Variants in MECOM observed in about 807,000 individuals in gnomAD.
The protein encoded by MECOM is histone-lysine N-methyltransferase MECOM.
Under a neutral mutation model 116.3 loss-of-function variants are expected in MECOM, and 13 were observed. The observed-to-expected ratio is 0.11, with a 90% CI of 0.07 to 0.18. The LOEUF is 0.18. MECOM is among the 10% of genes least tolerant of loss of function. MECOM has a pLI of 1.00. For synonymous variants in MECOM, 528 were observed against 535.2 expected (o/e 0.99, Z 0.19); for missense variants, 1,299 against 1,509.0 (o/e 0.86, Z 2.31).
At chr3:169,594,166 A>C (rs1395835989) in intron 1 of MECOM, among the ~76,000 whole-genome samples, 2 of 136,738 alleles carry the variant, frequency 1.5e-5, no homozygotes, top group Non-Finnish European at 1.5e-5. Context: ...AAAAAAAAAA[A>C]AAAAAAAAAA....
chr3:169,644,453 T>C (rs1336097427), intron 1 of MECOM, among the ~76,000 whole-genome samples: 1 of 151,964 alleles, frequency 6.6e-6, no homozygotes, highest in Non-Finnish European at 1.5e-5. Flanking sequence ...GACAGAGTTT[T>C]GCCATGTTGG....
intron 2 of MECOM, among the ~76,000 whole-genome samples, chr3:169,148,668 T>A (rs1432414193): frequency 6.6e-6 from 1 of 152,140 alleles, no homozygotes; most frequent in African/African-American, 2.4e-5. Flanking sequence ...GTGCTGACGG[T>A]TAAACTTTAG....
Position 169,161,905 on chromosome 3 carries a change from A to G in MECOM, c.376-18073T>C, listed in dbSNP as rs540364318. Among the ~76,000 whole-genome samples the G allele has an allele frequency of 2.5e-4, 38 of 152,196 alleles. No individual in the cohort carries two copies. In the South Asian group the frequency reaches 6.6e-3, roughly 27 times the overall value. ...GTGAAAGAGTGGCCTTGGAAAACAAATTATCCAGCCTCAGTCCCATTTTTA... is the reference window on the plus strand; with the variant it reads ...GTGAAAGAGTGGCCTTGGAAAACAAGTTATCCAGCCTCAGTCCCATTTTTA... On this transcript the variant is annotated intron_variant, in intron 2 of 16. Coordinates refer to ENST00000651503, the MANE Select transcript of MECOM (RefSeq NM_004991.4).
intron 2 of MECOM, among the ~76,000 whole-genome samples, chr3:169,267,333 T>C (rs1758434987): frequency 6.6e-6 from 1 of 152,182 alleles, no homozygotes; most frequent in Non-Finnish European, 1.5e-5. Flanking sequence ...AGACCCGGTG[T>C]CTAATTTTTG....
intron 1 of MECOM, among the ~76,000 whole-genome samples, chr3:169,592,106 G>A (rs950077547): frequency 1.3e-5 from 2 of 152,058 alleles, no homozygotes; most frequent in African/African-American, 4.8e-5. Flanking sequence ...AACCAGTCTC[G>A]CTCTTCATCC....
At chr3:169,153,260 T>C (rs1741441882) in intron 2 of MECOM, among the ~76,000 whole-genome samples, 1 of 152,168 alleles carries the variant, frequency 6.6e-6, no homozygotes, top group African/African-American at 2.4e-5. Flanking sequence ...TATTACAAGA[T>C]ATATTCAAGA....
At chr3:169,109,253 T>C (rs1459264839) in intron 9 of MECOM, among the ~76,000 whole-genome samples, 1 of 152,208 alleles carries the variant, frequency 6.6e-6, no homozygotes, top group Non-Finnish European at 1.5e-5. Flanking sequence ...ACAACGCTTA[T>C]TTCTCCCTTA....
At chr3:169,585,012 T>G (rs1306602790) in intron 1 of MECOM, among the ~76,000 whole-genome samples, 1 of 152,246 alleles carries the variant, frequency 6.6e-6, no homozygotes, top group African/African-American at 2.4e-5. Context: ...TTCCACAGAT[T>G]ATCAAGCAAG....
intron 12 of MECOM, among the ~76,000 whole-genome samples, chr3:169,097,646 T>C (rs1169634903): frequency 1.3e-5 from 2 of 151,784 alleles, no homozygotes; most frequent in Non-Finnish European, 2.9e-5. Flanking sequence ...GAGGGGCTGA[T>C]GCATCAAGGA....
intron 1 of MECOM, among the ~76,000 whole-genome samples, chr3:169,584,828 C>T (rs1171706614): frequency 1.3e-5 from 2 of 152,108 alleles, no homozygotes; most frequent in Non-Finnish European, 2.9e-5. Flanking sequence ...GCACTGTATT[C>T]ACATTTTAAA....
At chr3:169,596,615 G>C (rs1279175574) in intron 1 of MECOM, among the ~76,000 whole-genome samples, 1 of 151,906 alleles carries the variant, frequency 6.6e-6, no homozygotes, top group East Asian at 1.9e-4. Flanking sequence ...ACACAGACCA[G>C]AAAATAAATG....
chr3:169,417,574 G>T (rs1738884357), intron 1 of MECOM, among the ~76,000 whole-genome samples: 2 of 151,768 alleles, frequency 1.3e-5, no homozygotes, highest in African/African-American at 4.8e-5. Flanking sequence ...TCTAGAACTA[G>T]AAATACTATT....
intron 1 of MECOM, among the ~76,000 whole-genome samples, chr3:169,663,133 C>A (rs1389722279): frequency 6.6e-6 from 1 of 151,184 alleles, no homozygotes; most frequent in Non-Finnish European, 1.5e-5. Context: ...CAGGCTCCTC[C>A]GGCGCCCAAC....
intron 1 of MECOM, among the ~76,000 whole-genome samples, chr3:169,580,900 G>A (rs777115568): frequency 5.9e-5 from 9 of 152,094 alleles, no homozygotes; most frequent in Non-Finnish European, 8.8e-5. Flanking sequence ...TTTACCCCAC[G>A]TGATACTGGA....
intron 1 of MECOM, among the ~76,000 whole-genome samples, chr3:169,551,373 T>A (rs76089058): frequency 0.15 from 22,193 of 145,710 alleles, 2,014 homozygotes; most frequent in East Asian, 0.36. Flanking sequence ...ATCTACACTT[T>A]AAAAAAAAAA....
chr3:169,368,562 G>T (rs1219375601), intron 2 of MECOM, among the ~76,000 whole-genome samples: 1 of 151,860 alleles, frequency 6.6e-6, no homozygotes, highest in Non-Finnish European at 1.5e-5. Context: ...AAACAACTAG[G>T]GAGCAAAGAA....
intron 1 of MECOM, among the ~76,000 whole-genome samples, chr3:169,391,436 G>T (rs1302524900): frequency 6.6e-6 from 1 of 152,052 alleles, no homozygotes; most frequent in African/African-American, 2.4e-5. Context: ...GCTAAGGAGT[G>T]CAATTTTCTG....
At chr3:169,625,102 G>GT (rs1417619803) in intron 1 of MECOM, among the ~76,000 whole-genome samples, 1 of 152,002 alleles carries the variant, frequency 6.6e-6, no homozygotes, top group African/African-American at 2.4e-5. Flanking sequence ...CAGTATTGTG[G>GT]TTTTTTCATG....
At chr3:169,454,506 G>T (rs940846523) in intron 1 of MECOM, among the ~76,000 whole-genome samples, 1 of 151,850 alleles carries the variant, frequency 6.6e-6, no homozygotes, top group Non-Finnish European at 1.5e-5. Context: ...AAAATGTGAG[G>T]TTTGCTTTGT....
Sources: allele counts gnomAD v4.1 joint callset (sites outside exome capture counted in the v4.1 genomes callset), GRCh38; gene constraint gnomAD v4.1.1; transcripts MANE v1.5; gene names NCBI Gene and HGNC (gene_info 2026-07-23, HGNC 2026-07-21).